YTHDC2: variants seen among roughly 807,000 people sequenced by gnomAD.
The protein encoded by YTHDC2 is YTH N6-methyladenosine RNA binding protein C2.
A neutral mutation model predicts 174.9 loss-of-function variants in YTHDC2; 45 were observed. That is an observed-to-expected ratio of 0.26 (90% CI 0.20 to 0.33). The LOEUF (loss-of-function observed/expected upper bound fraction) is 0.33, where lower values mean the gene tolerates loss of function less well. YTHDC2 is among the 10% of genes least tolerant of loss of function. The pLI, the probability that YTHDC2 is intolerant of heterozygous loss-of-function variation, is 1.00. For synonymous variants in YTHDC2, 657 were observed against 574.5 expected (o/e 1.14, Z -2.05); for missense variants, 1,650 against 1,723.7 (o/e 0.96, Z 0.76).
At chr5:113,517,513 T>C in intron 2 of YTHDC2, 1 of 455,592 alleles carries the variant, frequency 2.2e-6, no homozygotes. Context: ...GGAAGGAGAA[T>C]TCAAGAAGGA....
chr5:113,532,441 G>C (rs1774738269), intron 4 of YTHDC2, among the ~76,000 whole-genome samples: 1 of 151,782 alleles, frequency 6.6e-6, no homozygotes. Context: ...GACTATTTTT[G>C]TTTTTTAACG....
intron 26 of YTHDC2, among the ~76,000 whole-genome samples, chr5:113,586,855 C>A (rs1260333250): frequency 6.3e-5 from 8 of 127,910 alleles, no homozygotes; most frequent in East Asian, 2.2e-4. Context: ...TCATTAATAT[C>A]TCTCTCTCTC....
intron 8 of YTHDC2, among the ~76,000 whole-genome samples, chr5:113,539,435 C>T (rs530690126): frequency 6.6e-6 from 1 of 152,248 alleles, no homozygotes; most frequent in African/African-American, 2.4e-5. Context: ...AAACATTCAG[C>T]CACCTTTTAA....
intron 21 of YTHDC2, among the ~76,000 whole-genome samples, chr5:113,566,269 G>T (rs533651010): frequency 1.3e-5 from 2 of 152,146 alleles, no homozygotes; most frequent in East Asian, 3.9e-4. Context: ...GATACTGTTG[G>T]CAATGAACAA....
At chr5:113,564,279 A>G (rs1777192997) in intron 20 of YTHDC2, 148 bp downstream of exon 20, 2 of 946,696 alleles carry the variant, frequency 2.1e-6, no homozygotes, top group African/African-American at 1.7e-5. Flanking sequence ...CCTGAAAAAT[A>G]TCTTCTTGCT....
chr5:113,581,655 G>T lies in YTHDC2; in HGVS notation c.3593G>T (p.Ser1198Ile). The change falls in exon 25 of 30, where the codon AGT (serine) becomes ATT (isoleucine). Residue 1198 changes from serine (S) to isoleucine (I), a missense_variant. Physicochemically the swap from Ser to Ile is moderately radical, Grantham distance 142. Coordinates refer to ENST00000161863, the MANE Select transcript of YTHDC2 (RefSeq NM_022828.5). Reference protein sequence around the residue: ...PLASSWRSNNSRKSSADTEFS... With the variant: ...PLASSWRSNNIRKSSADTEFS... ...GCCTCATCTTGGAGGTCAAATAATA[G>T]TAGGAAAAGTTCAGCAGATACTGAA... 1 of 1,612,448 alleles carries T rather than the reference G, an allele frequency of 6.2e-7. No homozygotes were observed. Among genetic ancestry groups the T allele is most frequent in the Non-Finnish European group, 8.5e-7 (1 of 1,179,502 alleles).
chr5:113,591,969 T>C (rs1779026699), intron 27 of YTHDC2, 27 bp from the exon 28 acceptor site: 16 of 1,565,390 alleles, frequency 1.0e-5, no homozygotes, highest in Non-Finnish European at 1.2e-5. Context: ...TCCTCACCTC[T>C]ATTCCTTCCT....
intron 24 of YTHDC2, chr5:113,581,141 G>C (rs984852486): frequency 1.5e-5 from 4 of 264,682 alleles, no homozygotes; most frequent in African/African-American, 8.9e-5. Context: ...TATTTACCCT[G>C]CTGCTACTTT....
At chr5:113,592,683 A>G (rs980537627) in intron 28 of YTHDC2, 3 of 152,580 alleles carry the variant, frequency 2.0e-5, no homozygotes, top group African/African-American at 7.2e-5. Context: ...CTGAACCAGT[A>G]TGACTCGTTT....
At chr5:113,542,051 T>C (rs1469724314) in intron 9 of YTHDC2, among the ~76,000 whole-genome samples, 1 of 152,158 alleles carries the variant, frequency 6.6e-6, no homozygotes, top group African/African-American at 2.4e-5. Context: ...ATACTTCCCT[T>C]GATGTGCAGT....
chr5:113,563,666 T>C (rs1028385015), intron 19 of YTHDC2, among the ~76,000 whole-genome samples, 174 bp downstream of exon 19: 1 of 152,240 alleles, frequency 6.6e-6, no homozygotes, highest in Non-Finnish European at 1.5e-5. Context: ...TCATGTACTT[T>C]AAATAATATT....
chr5:113,521,779 A>G (rs1324108452), intron 2 of YTHDC2, among the ~76,000 whole-genome samples: 1 of 149,716 alleles, frequency 6.7e-6, no homozygotes, highest in East Asian at 1.9e-4. Context: ...TACTGTAGGC[A>G]TAGTGACCAT....
rs770981296 is a variant in YTHDC2, at chr5:113,533,018, T to C, written c.815T>C (p.Ile272Thr). 2 of 1,614,046 alleles carry C rather than the reference T, an allele frequency of 1.2e-6. No individual in the cohort carries two copies. Among genetic ancestry groups the C allele is most frequent in the African/African-American group, 2.7e-5 (2 of 74,918 alleles). Reference sequence around the variant, plus strand: ...AGACGGGAAAGGATTGGTCAAACAATTGGTTATCAGATCCGATTAGAAAGC... The same window carrying C: ...AGACGGGAAAGGATTGGTCAAACAACTGGTTATCAGATCCGATTAGAAAGC... ...AERRERIGQT[I>T]GYQIRLESRV... is the part of the protein sequence containing the mutation. Residue 272 changes from isoleucine to threonine, a missense_variant, in exon 5 of 30, where the codon ATT becomes ACT. Physicochemically the swap from Ile to Thr is moderately conservative, Grantham distance 89. Transcript: ENST00000161863.
chr5:113,586,737 A>C (rs946007970), intron 26 of YTHDC2, among the ~76,000 whole-genome samples: 23 of 150,682 alleles, frequency 1.5e-4, no homozygotes, highest in Non-Finnish European at 3.1e-4. Context: ...CAATTGTTCC[A>C]GTACCGTTTG....
chr5:113,519,529 A>G (rs1773718524), intron 2 of YTHDC2, among the ~76,000 whole-genome samples: 1 of 152,232 alleles, frequency 6.6e-6, no homozygotes, highest in African/African-American at 2.4e-5. Context: ...TATGAAGTAT[A>G]TGAAAGTAGA....
rs369622180 is a variant in YTHDC2 at position 113,549,669 on chromosome 5, G to A, written c.1688+649G>A. Among the ~76,000 whole-genome samples, 180 of 152,148 alleles carry A rather than the reference G, an allele frequency of 1.2e-3. 1 individual carries two copies. Among genetic ancestry groups the A allele is most frequent in the African/African-American group, 3.9e-3 (164 of 41,528 alleles). ...TTCATGAGGCCTACCCAAATTTGCC[G>A]TATCTGATATTACAATCTACCCCCC... On this transcript the variant is annotated intron_variant, in intron 12 of 29. Transcript: ENST00000161863.
Position 113,548,599 on chromosome 5 carries a change from C to T in YTHDC2, c.1554C>T (p.Gly518=). The change falls in exon 11 of 30, where the codon GGC becomes GGT. Residue 518 remains glycine, a synonymous_variant. Coordinates refer to ENST00000161863, the MANE Select transcript of YTHDC2 (RefSeq NM_022828.5). ...ATALMVAAGR[G]FASQVEQLIS... ...CTCTGATGGTTGCTGCAGGACGTGG[C>T]TTTGCAAGTCAAGTAGAACAGTTAA... 6.2e-7 allele frequency: 1 copy of T among 1,613,366 alleles called. No individual in the cohort carries two copies. The highest frequency in any genetic ancestry group is 8.5e-7 in the Non-Finnish European group (1 of 1,179,620).
intron 25 of YTHDC2, 143 bp downstream of exon 25, chr5:113,581,852 AAG>A (rs1291337544): frequency 4.0e-5 from 27 of 682,958 alleles, no homozygotes; most frequent in Non-Finnish European, 5.7e-5. Flanking sequence ...ATAAAGTGGA[AAG>A]AGTTTTCTAC....
intron 1 of YTHDC2, among the ~76,000 whole-genome samples, chr5:113,514,973 C>T (rs576873818): frequency 7.4e-4 from 113 of 152,186 alleles, no homozygotes; most frequent in African/African-American, 2.6e-3. Context: ...AATTCCAGAA[C>T]AAGTAAGAGG....
Sources: gnomAD v4.1 joint callset for allele counts (sites outside exome capture counted in the v4.1 genomes callset) on GRCh38, gnomAD v4.1.1 for gene constraint, MANE v1.5 for transcripts, NCBI Gene and HGNC (gene_info 2026-07-23, HGNC 2026-07-21) for gene names.